Variants in PDE11A observed in about 807,000 individuals in gnomAD.
PDE11A encodes the protein dual 3',5'-cyclic-AMP and -GMP phosphodiesterase 11A.
A neutral mutation model predicts 100.5 loss-of-function variants in PDE11A; 100 were observed. That is an observed-to-expected ratio of 1.00 (90% CI 0.85 to 1.18). The LOEUF (loss-of-function observed/expected upper bound fraction) is 1.18. Among genes scored for constraint, PDE11A ranks in the 50% most tolerant of loss-of-function variants. The pLI, the probability that PDE11A is intolerant of heterozygous loss-of-function variation, is 0.00. For synonymous variants in PDE11A, 381 were observed against 420.8 expected (o/e 0.91, Z 1.16); for missense variants, 1,141 against 1,152.6 (o/e 0.99, Z 0.15).
intron 2 of PDE11A, chr2:177,998,304 G>A: frequency 2.4e-6 from 2 of 823,286 alleles, no homozygotes; most frequent in Non-Finnish European, 4.4e-6. Flanking sequence ...AAGTTTTGTA[G>A]AAAGGAATTT....
intron 1 of PDE11A, among the ~76,000 whole-genome samples, chr2:178,043,002 T>A (rs943839183): frequency 4.6e-5 from 7 of 152,182 alleles, no homozygotes; most frequent in African/African-American, 1.2e-4. Context: ...TTTTATAGAT[T>A]TTTTTCCTTT....
At chr2:177,913,129 T>C (rs962382692) in intron 2 of PDE11A, among the ~76,000 whole-genome samples, 1 of 152,188 alleles carries the variant, frequency 6.6e-6, no homozygotes, top group Non-Finnish European at 1.5e-5. Flanking sequence ...TCAAGAAAGT[T>C]TTAAAAATTA....
At chr2:177,713,996 T>TTTC (rs1553540445) in intron 12 of PDE11A, among the ~76,000 whole-genome samples, 6 of 119,130 alleles carry the variant, frequency 5.0e-5, no homozygotes, top group East Asian at 2.5e-4. Flanking sequence ...TCTTTTTTTT[T>TTTC]TTTTTTTTTT....
intron 1 of PDE11A, among the ~76,000 whole-genome samples, chr2:178,051,117 T>C (rs1307316677): frequency 6.6e-6 from 1 of 152,204 alleles, no homozygotes; most frequent in East Asian, 1.9e-4. Context: ...AAAGGTCATG[T>C]TACCCACAAA....
chr2:177,723,018 G>A (rs2081552448), intron 12 of PDE11A: 1 of 152,124 alleles, frequency 6.6e-6, no homozygotes, highest in South Asian at 2.1e-4. Flanking sequence ...TTTCTGTTGA[G>A]ATTAGGATTC....
intron 2 of PDE11A, among the ~76,000 whole-genome samples, chr2:177,925,770 C>A (rs1401600583): frequency 6.6e-6 from 1 of 152,190 alleles, no homozygotes; most frequent in East Asian, 1.9e-4. Context: ...TTCTTGTATA[C>A]AATCTTCCCT....
intron 2 of PDE11A, among the ~76,000 whole-genome samples, chr2:177,930,908 T>A (rs1175087067): frequency 6.6e-6 from 1 of 152,162 alleles, no homozygotes; most frequent in Non-Finnish European, 1.5e-5. Flanking sequence ...TGAACCTTAA[T>A]TAGAAAAGCC....
chr2:177,685,811 C>G (rs1188822622), intron 15 of PDE11A, among the ~76,000 whole-genome samples: 1 of 152,160 alleles, frequency 6.6e-6, no homozygotes, highest in Non-Finnish European at 1.5e-5. Context: ...AGGTCATCCA[C>G]CTGCCTCGGC....
chr2:177,793,253 C>A (rs986242978), intron 9 of PDE11A, among the ~76,000 whole-genome samples: 2 of 152,164 alleles, frequency 1.3e-5, no homozygotes, highest in Non-Finnish European at 2.9e-5. Context: ...GTTTTCCAGT[C>A]ATTATGACCT....
intron 2 of PDE11A, among the ~76,000 whole-genome samples, chr2:177,972,050 A>C (rs2085777537): frequency 6.6e-6 from 1 of 152,232 alleles, no homozygotes; most frequent in Non-Finnish European, 1.5e-5. Flanking sequence ...AAGTGATACC[A>C]GCAGTAGGAT....
chr2:177,790,789 CTCA>C (rs1048332888), intron 9 of PDE11A, among the ~76,000 whole-genome samples: 4 of 152,192 alleles, frequency 2.6e-5, no homozygotes, highest in African/African-American at 9.7e-5. Flanking sequence ...TGAAAAAATG[CTCA>C]TCATCACTGG....
intron 1 of PDE11A, among the ~76,000 whole-genome samples, chr2:178,040,526 G>A (rs774712249): frequency 1.3e-5 from 2 of 152,156 alleles, no homozygotes; most frequent in African/African-American, 2.4e-5. Flanking sequence ...TGTCCTTTCC[G>A]ATATGTTCAG....
chr2:177,968,921 T>C (rs940768988), intron 2 of PDE11A, among the ~76,000 whole-genome samples: 1 of 152,244 alleles, frequency 6.6e-6, no homozygotes, highest in Non-Finnish European at 1.5e-5. Context: ...TTACTGGGTA[T>C]ATGTCCAAAG....
intron 2 of PDE11A, among the ~76,000 whole-genome samples, chr2:177,948,620 C>G (rs2085471502): frequency 6.6e-6 from 1 of 152,198 alleles, no homozygotes; most frequent in South Asian, 2.1e-4. Flanking sequence ...AAATTAATAA[C>G]AGGCTGAGTG....
At chr2:177,966,326 G>A (rs1044767940) in intron 2 of PDE11A, among the ~76,000 whole-genome samples, 4 of 151,318 alleles carry the variant, frequency 2.6e-5, no homozygotes, top group African/African-American at 7.3e-5. Flanking sequence ...ACTTCCTCTC[G>A]TCTTTTATTT....
At chr2:177,702,182 T>C (rs2081206524) in intron 13 of PDE11A, among the ~76,000 whole-genome samples, 1 of 152,082 alleles carries the variant, frequency 6.6e-6, no homozygotes, top group Non-Finnish European at 1.5e-5. Flanking sequence ...CTTAACAATG[T>C]CAGTTCTGCA....
chr2:177,719,878 CA>C lies in PDE11A; in HGVS notation c.2043+7779del, dbSNP rs148851424. On this transcript the variant is annotated intron_variant, in intron 12 of 19. Coordinates refer to ENST00000286063, the MANE Select transcript of PDE11A (RefSeq NM_016953.4). ...CAAGATGCTCATATCATCTTAACAA[CA>C]AAAAAAAAGGCCCAATTTGCAATGC... 6.1e-3 allele frequency among the ~76,000 whole-genome samples: 917 copies of C among 150,800 alleles called. 5 individuals are homozygous for C. The highest frequency in any genetic ancestry group is 0.021 in the African/African-American group (867 of 41,192).
chr2:177,714,137 G>C, intron 12 of PDE11A, among the ~76,000 whole-genome samples: 1 of 151,702 alleles, frequency 6.6e-6, no homozygotes, highest in East Asian at 1.9e-4. Flanking sequence ...GGGACTACAG[G>C]TGCCCGCCAC....
At chr2:177,845,980 G>A (rs2083592822) in intron 5 of PDE11A, among the ~76,000 whole-genome samples, 1 of 151,148 alleles carries the variant, frequency 6.6e-6, no homozygotes, top group Non-Finnish European at 1.5e-5. Context: ...GTACAGTCCA[G>A]CTTCGGCTCG....
Sources: gnomAD v4.1 joint callset for allele counts (sites outside exome capture counted in the v4.1 genomes callset) on GRCh38, gnomAD v4.1.1 for gene constraint, MANE v1.5 for transcripts, NCBI Gene and HGNC (gene_info 2026-07-23, HGNC 2026-07-21) for gene names.